DAPK2: variants seen among roughly 807,000 people sequenced by gnomAD.
The protein encoded by DAPK2 is death-associated protein kinase 2.
A neutral mutation model predicts 44.1 loss-of-function variants in DAPK2; 35 were observed. That is an observed-to-expected ratio of 0.79 (90% CI 0.61 to 1.05). The LOEUF is 1.05. Ranked by LOEUF, DAPK2 falls within the 50% of genes least tolerant of loss-of-function variation. DAPK2 has a pLI of 0.00. For missense variants in DAPK2, 453 were observed against 483.2 expected (o/e 0.94, Z 0.59); for synonymous variants, 174 against 182.6 (o/e 0.95, Z 0.38).
At chr15:63,913,762 CT>C (rs1411406935) in intron 8 of DAPK2, among the ~76,000 whole-genome samples, 3 of 152,226 alleles carry the variant, frequency 2.0e-5, no homozygotes, top group Admixed American at 6.5e-5. Flanking sequence ...GCCCATCCCC[CT>C]GGAAGGCCTT....
At chr15:63,913,025 T>C (rs1378512092) in intron 8 of DAPK2, among the ~76,000 whole-genome samples, 1 of 152,062 alleles carries the variant, frequency 6.6e-6, no homozygotes, top group African/African-American at 2.4e-5. Flanking sequence ...ATACTATTCA[T>C]AAAAAATTGA....
chr15:63,962,012 T>C (rs1484564429), intron 3 of DAPK2, among the ~76,000 whole-genome samples: 1 of 152,202 alleles, frequency 6.6e-6, no homozygotes, highest in African/African-American at 2.4e-5. Context: ...TTTCACGTAG[T>C]CCATATTTCT....
At position 63,912,319 on chromosome 15, in the gene DAPK2, C is replaced by A; in HGVS notation, c.859-122G>T. 1 of 884,252 alleles carries A rather than the reference C, an allele frequency of 1.1e-6. No individual in the cohort carries two copies. Among genetic ancestry groups the A allele is most frequent in the South Asian group, 1.5e-5 (1 of 64,844 alleles). 54.8% of individuals were successfully genotyped at this position (884,252 alleles called of 1,614,324 possible). On this transcript the variant is annotated intron_variant, in intron 8 of 10. Transcript: ENST00000261891. The surrounding 1 kb of genome is among the most constrained non-coding windows in gnomAD (Gnocchi z 4.4). Reference sequence around the variant, plus strand: ...CCTTGGCTTGACCCTGGCATCTCCCCGCCAGGTGGGGCACACCGTGGGAGC... The same window carrying A: ...CCTTGGCTTGACCCTGGCATCTCCCAGCCAGGTGGGGCACACCGTGGGAGC...
rs1345746504 is a variant in DAPK2, at chr15:63,912,072, C to G, written c.948+36G>C. On this transcript the variant is annotated intron_variant, in intron 9 of 10. Coordinates refer to ENST00000261891, the Ensembl canonical transcript of DAPK2. This position sits in a 1 kb window ranked among gnomAD's most constrained non-coding sequence, Gnocchi z 4.4. ...AGAGCCAGAAACCCCGCCCTAGCCC[C>G]CACCCTGTCCCCCGCCGCCCCAACC... is the stretch of plus-strand genomic sequence containing the variant. The G allele has an allele frequency of 6.3e-7, 1 of 1,589,736 alleles. No individual in the cohort carries two copies. Among genetic ancestry groups the G allele is most frequent in the East Asian group, 2.3e-5 (1 of 43,870 alleles).
At chr15:63,931,273 A>G (rs2079546492) in intron 4 of DAPK2, among the ~76,000 whole-genome samples, 1 of 152,184 alleles carries the variant, frequency 6.6e-6, no homozygotes, top group African/African-American at 2.4e-5. Context: ...ACTTTAAGGT[A>G]TTTCATTAAA....
At chr15:64,029,180 T>G (rs2079938881) in intron 1 of DAPK2, among the ~76,000 whole-genome samples, 1 of 137,654 alleles carries the variant, frequency 7.3e-6, no homozygotes, top group Admixed American at 8.0e-5. Flanking sequence ...CAGACAGAGC[T>G]CAATGAGACC....
rs1312027437 is a variant in DAPK2, at chr15:63,923,195, A to G, written c.858+1621T>C. The G allele has an allele frequency of 5.9e-6, 9 of 1,535,748 alleles. No homozygotes were observed. In the Admixed American group the frequency reaches 1.4e-4, roughly 23 times the overall value. ...CAGGTCGACCCGAGCCACGTCTTCC[A>G]CCACACAGGCAAAACGCTCGAAGTT... On this transcript the variant is annotated intron_variant, in intron 8 of 10. Transcript: ENST00000261891. The surrounding 1 kb of genome is among the most constrained non-coding windows in gnomAD (Gnocchi z 4.2).
chr15:64,020,605 C>A lies in DAPK2; in HGVS notation c.92+19565G>T, dbSNP rs1480178787. ...TCCTCTGGGAAGGATTTATAGTTGA[C>A]AAAAGAGACACACCCATTTGATAGC... On this transcript the variant is annotated intron_variant, in intron 1 of 10. Transcript: ENST00000261891. This position sits in a 1 kb window ranked among gnomAD's most constrained non-coding sequence, Gnocchi z 4.5. 6.6e-6 allele frequency among the ~76,000 whole-genome samples: 1 copy of A among 152,126 alleles called. No individual in the cohort carries two copies. The highest frequency in any genetic ancestry group is 2.4e-5 in the African/African-American group (1 of 41,406).
intron 10 of DAPK2, among the ~76,000 whole-genome samples, chr15:63,910,134 T>G (rs1382417037): frequency 6.6e-6 from 1 of 152,244 alleles, no homozygotes; most frequent in Non-Finnish European, 1.5e-5. Flanking sequence ...TCAGGGATTC[T>G]CAGCGGGAGA....
intron 1 of DAPK2, among the ~76,000 whole-genome samples, chr15:64,019,086 C>T (rs945849966): frequency 2.6e-5 from 4 of 152,122 alleles, no homozygotes; most frequent in African/African-American, 9.7e-5. Flanking sequence ...CCATTCTCAC[C>T]CCCATCCCCA....
At chr15:63,924,712 A>G (rs2079187800) in intron 8 of DAPK2, 104 bp downstream of exon 9, 1 of 1,320,574 alleles carries the variant, frequency 7.6e-7, no homozygotes, top group African/African-American at 1.5e-5. Context: ...TCAGTGTTTA[A>G]AGCAAAGGCC....
exon 7 of DAPK2, chr15:63,926,081 T>C: frequency 6.2e-7 from 1 of 1,610,396 alleles, no homozygotes; most frequent in South Asian, 1.1e-5. Context: ...GGAAAGGGGA[T>C]GCTCCACTTA....
intron 1 of DAPK2, among the ~76,000 whole-genome samples, chr15:64,019,966 T>C (rs187799261): frequency 1.7e-4 from 26 of 152,326 alleles, no homozygotes; most frequent in Admixed American, 5.2e-4. Context: ...TTACTAGCCA[T>C]GTTGCTAAAA....
rs1322676417 is a variant in DAPK2, at chr15:64,020,040, G to A, written c.92+20130C>T. On this transcript the variant is annotated intron_variant, in intron 1 of 10. Coordinates refer to ENST00000261891, the Ensembl canonical transcript of DAPK2. This position sits in a 1 kb window ranked among gnomAD's most constrained non-coding sequence, Gnocchi z 4.5. ...TCTAATCTCAGCAGAAGCAGTCTCA[G>A]TGGCACCCGCAGGCTTTACTGTGCC... Among the ~76,000 whole-genome samples, 1 of 152,198 alleles carries A rather than the reference G, an allele frequency of 6.6e-6. No homozygotes were observed. Among genetic ancestry groups the A allele is most frequent in the Admixed American group, 6.5e-5 (1 of 15,282 alleles).
chr15:64,028,063 T>TATCTATCA (rs2079905772), intron 1 of DAPK2, among the ~76,000 whole-genome samples: 1 of 152,066 alleles, frequency 6.6e-6, no homozygotes, highest in Non-Finnish European at 1.5e-5. Context: ...TCTATCTATC[T>TATCTATCA]ATTTATATTT....
chr15:64,029,428 TC>T (rs1237118176), intron 1 of DAPK2, among the ~76,000 whole-genome samples: 1 of 152,118 alleles, frequency 6.6e-6, no homozygotes. Context: ...GGGCCTCTGC[TC>T]CTTGGTCGTG....
chr15:64,022,005 A>G (rs979108978), intron 1 of DAPK2, among the ~76,000 whole-genome samples: 11 of 152,224 alleles, frequency 7.2e-5, no homozygotes, highest in Non-Finnish European at 1.2e-4. Flanking sequence ...CTGACTCTGT[A>G]TCAGACACTG....
intron 8 of DAPK2, 31 bp downstream of exon 9, chr15:63,924,785 T>C: frequency 1.2e-6 from 2 of 1,613,720 alleles, no homozygotes; most frequent in Non-Finnish European, 1.7e-6. Context: ...AGGGACCCTT[T>C]GCCCATTGGA....
chr15:63,990,648 G>C lies in DAPK2; in HGVS notation c.93-6894C>G, dbSNP rs568536500. On this transcript the variant is annotated intron_variant, in intron 1 of 10. Transcript: ENST00000261891. The surrounding 1 kb of genome is among the most constrained non-coding windows in gnomAD (Gnocchi z 4.3). Reference sequence around the variant, plus strand: ...GGGAAGTGTTCCAAAGCAGAGGGTCGCGGAGACTGGCTTCCTCCTCCTGCT... The same window carrying C: ...GGGAAGTGTTCCAAAGCAGAGGGTCCCGGAGACTGGCTTCCTCCTCCTGCT... Among the ~76,000 whole-genome samples the C allele has an allele frequency of 6.6e-6, 1 of 152,122 alleles. No homozygotes were observed.
Sources: allele counts gnomAD v4.1 joint callset (sites outside exome capture counted in the v4.1 genomes callset), GRCh38; gene constraint gnomAD v4.1.1; non-coding constraint Gnocchi (gnomAD v3.1); transcripts MANE v1.5; gene names NCBI Gene and HGNC (gene_info 2026-07-23, HGNC 2026-07-21).